KIRREL3: variants seen among roughly 807,000 people sequenced by gnomAD.
KIRREL3 encodes kirre like nephrin family adhesion molecule 3, also known as kin of IRRE-like protein 3.
Under a neutral mutation model 89.7 loss-of-function variants are expected in KIRREL3, and 36 were observed. That is an observed-to-expected ratio of 0.40 (90% confidence interval 0.31 to 0.53). The LOEUF (loss-of-function observed/expected upper bound fraction) is 0.53, where lower values mean the gene tolerates loss of function less well. KIRREL3 is among the 20% of genes least tolerant of loss of function. The pLI, the probability that KIRREL3 is intolerant of heterozygous loss-of-function variation, is 0.49. For missense variants in KIRREL3, 864 were observed against 1,056.6 expected (o/e 0.82, Z 2.53); for synonymous variants, 445 against 441.4 (o/e 1.01, Z -0.10).
intron 3 of KIRREL3, among the ~76,000 whole-genome samples, chr11:126,524,078 G>T (rs960409948): frequency 6.6e-6 from 1 of 152,166 alleles, no homozygotes; most frequent in Non-Finnish European, 1.5e-5. Flanking sequence ...TAGAGTCTGG[G>T]TTCTATAGTC....
chr11:126,815,065 G>T (rs1284355052), intron 1 of KIRREL3, among the ~76,000 whole-genome samples: 5 of 152,078 alleles, frequency 3.3e-5, no homozygotes, highest in African/African-American at 7.2e-5. Flanking sequence ...CCATTCTTTT[G>T]GGTGTAAAGC....
intron 1 of KIRREL3, among the ~76,000 whole-genome samples, chr11:126,922,413 G>A (rs1006078939): frequency 1.8e-4 from 27 of 152,014 alleles, no homozygotes; most frequent in African/African-American, 6.3e-4. Context: ...CTTCTTAAAC[G>A]AAACAGAAGC....
Position 126,704,245 on chromosome 11 carries a change from C to A in KIRREL3, c.56-141333G>T, listed in dbSNP as rs942008464. Among the ~76,000 whole-genome samples, 11 of 152,180 alleles carry A rather than the reference C, an allele frequency of 7.2e-5. No individual in the cohort carries two copies. The highest frequency in any genetic ancestry group is 1.5e-4 in the Non-Finnish European group (10 of 68,040). Reference sequence around the variant, plus strand: ...CACACACATTTGCATCATATCTGTTCATGTGCATGCATGTGCACAGCTGTT... The same window carrying A: ...CACACACATTTGCATCATATCTGTTAATGTGCATGCATGTGCACAGCTGTT... On this transcript the variant is annotated intron_variant, in intron 1 of 16. Transcript: ENST00000525144. The surrounding 1 kb of genome is among the most constrained non-coding windows in gnomAD (Gnocchi z 4.2).
At chr11:126,836,616 A>G (rs1019854537) in intron 1 of KIRREL3, among the ~76,000 whole-genome samples, 1 of 152,200 alleles carries the variant, frequency 6.6e-6, no homozygotes, top group Admixed American at 6.5e-5. Context: ...AAGAAAGCCA[A>G]CTTTCTGTTG....
At position 126,611,574 on chromosome 11, in the gene KIRREL3, G is replaced by A. The variant is rs932378677; in HGVS notation, c.56-48662C>T. Among the ~76,000 whole-genome samples the A allele has an allele frequency of 6.6e-6, 1 of 152,074 alleles. No homozygotes were observed. Among genetic ancestry groups the A allele is most frequent in the Admixed American group, 6.5e-5 (1 of 15,278 alleles). ...TTCCTACTCTTCCCTTTATCCTGAG[G>A]TGTCGTGAGGGCAATGGCCTGCAGA... On this transcript the variant is annotated intron_variant, in intron 1 of 16. Coordinates refer to ENST00000525144, the MANE Select transcript of KIRREL3 (RefSeq NM_032531.4). This position sits in a 1 kb window ranked among gnomAD's most constrained non-coding sequence, Gnocchi z 4.7.
chr11:126,657,004 A>C (rs1360128827), intron 1 of KIRREL3, among the ~76,000 whole-genome samples: 1 of 151,930 alleles, frequency 6.6e-6, no homozygotes, highest in Non-Finnish European at 1.5e-5. Flanking sequence ...GTGAGCTGAG[A>C]TCATGCCACT....
At chr11:126,923,928 C>A (rs1214008765) in intron 1 of KIRREL3, among the ~76,000 whole-genome samples, 1 of 152,162 alleles carries the variant, frequency 6.6e-6, no homozygotes, top group Non-Finnish European at 1.5e-5. Context: ...TTGGCTTTCC[C>A]CCCAAACCTT....
chr11:126,798,625 T>C (rs889738830), intron 1 of KIRREL3, among the ~76,000 whole-genome samples: 4 of 152,160 alleles, frequency 2.6e-5, no homozygotes, highest in Non-Finnish European at 5.9e-5. Context: ...ATTTTTAACA[T>C]GTAGAGCCTC....
At chr11:126,794,022 A>G (rs913710331) in intron 1 of KIRREL3, among the ~76,000 whole-genome samples, 25 of 152,338 alleles carry the variant, frequency 1.6e-4, no homozygotes, top group African/African-American at 5.8e-4. Context: ...TTGACTAGGG[A>G]GAGAGCAGGG....
rs1957630612 is a variant in KIRREL3, at chr11:126,495,426, TTCTCCCCAAAGCCTCCCTCGACTG to T, written c.434-21984_434-21961del. On this transcript the variant is annotated intron_variant, in intron 4 of 16. Coordinates refer to ENST00000525144, the MANE Select transcript of KIRREL3 (RefSeq NM_032531.4). This position sits in a 1 kb window ranked among gnomAD's most constrained non-coding sequence, Gnocchi z 6.5. ...CTGCCTGACCCCAGGTGGTTCTGCT[TTCTCCCCAAAGCCTCCCTCGACTG>T]TCTGTGTTCCTCGTCTCCGCTCATC... 2.0e-5 allele frequency among the ~76,000 whole-genome samples: 3 copies of T among 152,058 alleles called. No individual in the cohort carries two copies. The South Asian group carries it at 6.2e-4, about 32-fold the overall frequency.
intron 3 of KIRREL3, among the ~76,000 whole-genome samples, chr11:126,524,721 C>A (rs1958696797): frequency 6.6e-6 from 1 of 152,134 alleles, no homozygotes; most frequent in Non-Finnish European, 1.5e-5. Context: ...TAGGAGAGGA[C>A]AGAGATGTAG....
At position 126,526,185 on chromosome 11, in the gene KIRREL3, A is replaced by G. The variant is rs1958745916; in HGVS notation, c.283+353T>C. On this transcript the variant is annotated intron_variant, in intron 3 of 16. Transcript: ENST00000525144. This position sits in a 1 kb window ranked among gnomAD's most constrained non-coding sequence, Gnocchi z 5.7. ...TTCCTTAATAATTGTGCCTTAATAA[A>G]TGGGGGATACATCTTGGGCCAAGAC... Among the ~76,000 whole-genome samples the G allele has an allele frequency of 6.6e-6, 1 of 152,166 alleles. No homozygotes were observed. The highest frequency in any genetic ancestry group is 2.1e-4 in the South Asian group (1 of 4,824).
chr11:126,781,805 G>C (rs1348732192), intron 1 of KIRREL3, among the ~76,000 whole-genome samples: 1 of 152,026 alleles, frequency 6.6e-6, no homozygotes, highest in African/African-American at 2.4e-5. Context: ...GAATGATGTT[G>C]CTTTTAAAAA....
chr11:126,715,264 G>C lies in KIRREL3; in HGVS notation c.56-152352C>G, dbSNP rs1264178674. ...GGCTATCCCCATCTATTTTGTGGGG[G>C]AAGAAAACTATTCAGCATTTTCAGG... On this transcript the variant is annotated intron_variant, in intron 1 of 16. Coordinates refer to ENST00000525144, the MANE Select transcript of KIRREL3 (RefSeq NM_032531.4). This position sits in a 1 kb window ranked among gnomAD's most constrained non-coding sequence, Gnocchi z 4.4. Among the ~76,000 whole-genome samples the C allele has an allele frequency of 2.0e-5, 3 of 152,218 alleles. No individual in the cohort carries two copies. The highest frequency in any genetic ancestry group is 4.4e-5 in the Non-Finnish European group (3 of 68,036).
intron 1 of KIRREL3, among the ~76,000 whole-genome samples, chr11:126,596,684 A>C (rs1021177416): frequency 3.0e-4 from 46 of 152,154 alleles, no homozygotes; most frequent in African/African-American, 1.1e-3. Flanking sequence ...CTCTGTGTGG[A>C]GCTCTACATT....
intron 1 of KIRREL3, among the ~76,000 whole-genome samples, chr11:126,859,708 A>C (rs1944646589): frequency 6.6e-6 from 1 of 152,216 alleles, no homozygotes; most frequent in Non-Finnish European, 1.5e-5. Flanking sequence ...GTGTGGAAAT[A>C]AGTTTCTCCC....
chr11:126,865,800 A>AT (rs555497390), intron 1 of KIRREL3, among the ~76,000 whole-genome samples: 11 of 152,064 alleles, frequency 7.2e-5, no homozygotes, highest in South Asian at 6.2e-4. Flanking sequence ...CTTCAGCAGA[A>AT]TTTTTTTTTA....
chr11:126,531,342 C>T lies in KIRREL3; in HGVS notation c.134-4655G>A, dbSNP rs932148395. Among the ~76,000 whole-genome samples the T allele has an allele frequency of 1.3e-5, 2 of 152,250 alleles. No individual in the cohort carries two copies. Among genetic ancestry groups the T allele is most frequent in the African/African-American group, 4.8e-5 (2 of 41,468 alleles). On this transcript the variant is annotated intron_variant, in intron 2 of 16. Transcript: ENST00000525144. The surrounding 1 kb of genome is among the most constrained non-coding windows in gnomAD (Gnocchi z 4.7). Reference sequence around the variant, plus strand: ...ATTTTCCGTCTTAATTCACCACTTGCTTCAGGGTTCCCCTCTTTTAAGGGG... The same window carrying T: ...ATTTTCCGTCTTAATTCACCACTTGTTTCAGGGTTCCCCTCTTTTAAGGGG...
chr11:126,727,246 G>T (rs1393739889), intron 1 of KIRREL3, among the ~76,000 whole-genome samples: 1 of 152,216 alleles, frequency 6.6e-6, no homozygotes, highest in East Asian at 1.9e-4. Context: ...AGGCCGGCTG[G>T]CCACTCTCCC....
Sources: gnomAD v4.1 joint callset for allele counts (sites outside exome capture counted in the v4.1 genomes callset) on GRCh38, gnomAD v4.1.1 for gene constraint, Gnocchi (gnomAD v3.1) non-coding constraint, MANE v1.5 for transcripts, NCBI Gene and HGNC (gene_info 2026-07-23, HGNC 2026-07-21) for gene names.